CD2AP: variants seen among roughly 807,000 people sequenced by gnomAD.
The protein encoded by CD2AP is CD2-associated protein.
CD2AP carries 46 observed loss-of-function variants against 85.1 expected under a neutral mutation model. The observed-to-expected ratio is 0.54, with a 90% CI of 0.43 to 0.69. CD2AP has a LOEUF of 0.69. Among genes scored for constraint, CD2AP ranks in the 30% least tolerant of loss-of-function variants. CD2AP has a pLI of 0.00. For missense variants in CD2AP, 769 were observed against 729.5 expected (o/e 1.05, Z -0.62); for synonymous variants, 255 against 252.9 (o/e 1.01, Z -0.08).
chr6:47,557,758 T>A (rs902118846), intron 5 of CD2AP, among the ~76,000 whole-genome samples: 1 of 152,234 alleles, frequency 6.6e-6, no homozygotes, highest in Non-Finnish European at 1.5e-5. Flanking sequence ...TCAGGTAGCA[T>A]GATGCCTCCA....
intron 1 of CD2AP, among the ~76,000 whole-genome samples, chr6:47,495,139 G>C (rs1765826263): frequency 6.6e-6 from 1 of 152,244 alleles, no homozygotes; most frequent in Non-Finnish European, 1.5e-5. Context: ...CTCCAGCCTG[G>C]GTGACAGAGT....
rs114590237 is a variant in CD2AP, at chr6:47,579,182, T to C, written c.904-203T>C. Among the ~76,000 whole-genome samples, 553 of 152,140 alleles carry C rather than the reference T, an allele frequency of 3.6e-3. 2 individuals carry two copies. The highest frequency in any genetic ancestry group is 0.012 in the African/African-American group (517 of 41,510). On this transcript the variant is annotated intron_variant, in intron 8 of 17. Transcript: ENST00000359314. ...TGGGAGACCAAATCAAGAGGATCATTTGAGCCCAGAAGTTTATGATTGCAT... is the reference window on the plus strand; with the variant it reads ...TGGGAGACCAAATCAAGAGGATCATCTGAGCCCAGAAGTTTATGATTGCAT...
At chr6:47,527,667 T>C (rs1385746844) in intron 2 of CD2AP, among the ~76,000 whole-genome samples, 1 of 152,146 alleles carries the variant, frequency 6.6e-6, no homozygotes, top group African/African-American at 2.4e-5. Flanking sequence ...GTATGGGACA[T>C]GGAAGTAACT....
chr6:47,562,227 G>A (rs1036231686), intron 5 of CD2AP, among the ~76,000 whole-genome samples: 1 of 152,066 alleles, frequency 6.6e-6, no homozygotes, highest in East Asian at 1.9e-4. Context: ...ATTATAATTC[G>A]TGGTTTATCA....
At chr6:47,534,199 A>G (rs1453443833) in intron 3 of CD2AP, among the ~76,000 whole-genome samples, 1 of 152,218 alleles carries the variant, frequency 6.6e-6, no homozygotes, top group Non-Finnish European at 1.5e-5. Flanking sequence ...GGTACTGTGT[A>G]AATATGTTAG....
chr6:47,622,803 G>C (rs149194202), intron 17 of CD2AP, among the ~76,000 whole-genome samples: 1 of 152,280 alleles, frequency 6.6e-6, no homozygotes, highest in Non-Finnish European at 1.5e-5. Context: ...CACAATGCGA[G>C]TCTCCGCATG....
chr6:47,593,800 A>G (rs1008247810), intron 11 of CD2AP, among the ~76,000 whole-genome samples: 1 of 152,098 alleles, frequency 6.6e-6, no homozygotes, highest in Non-Finnish European at 1.5e-5. Flanking sequence ...AGCAGTTCCA[A>G]ACGTCCAAGA....
At chr6:47,544,757 G>T in intron 4 of CD2AP, 51 bp downstream of exon 4, 1 of 1,071,598 alleles carries the variant, frequency 9.3e-7, no homozygotes. Context: ...TTGATGCTAT[G>T]GATTTTAGAA....
rs1399968382 is a variant in CD2AP, at chr6:47,577,296, T to C, written c.903+193T>C. Among the ~76,000 whole-genome samples the C allele has an allele frequency of 2.0e-5, 3 of 152,184 alleles. No homozygotes were observed. The East Asian group carries it at 5.8e-4, about 29-fold the overall frequency. ...GAACGTTCTCTTTTTGAGCTAACTT[T>C]TATTGACTATATTTGTTGTAATTTA... is the stretch of plus-strand genomic sequence containing the variant. On this transcript the variant is annotated intron_variant, in intron 8 of 17. Coordinates refer to ENST00000359314, the MANE Select transcript of CD2AP (RefSeq NM_012120.3).
At chr6:47,558,100 A>C (rs1728684483) in intron 5 of CD2AP, among the ~76,000 whole-genome samples, 1 of 151,980 alleles carries the variant, frequency 6.6e-6, no homozygotes, top group Admixed American at 6.6e-5. Flanking sequence ...TGTGAATGGG[A>C]GTTTGCTCAT....
chr6:47,538,477 C>T (rs1767113477), intron 3 of CD2AP, among the ~76,000 whole-genome samples: 1 of 152,054 alleles, frequency 6.6e-6, no homozygotes, highest in Non-Finnish European at 1.5e-5. Flanking sequence ...AACTCCTGAC[C>T]TCAGGTGATC....
intron 1 of CD2AP, among the ~76,000 whole-genome samples, chr6:47,486,391 A>C (rs1281933868): frequency 1.3e-5 from 2 of 152,200 alleles, no homozygotes; most frequent in Non-Finnish European, 2.9e-5. Flanking sequence ...CATAATAACA[A>C]TGAAAGTTAG....
intron 2 of CD2AP, among the ~76,000 whole-genome samples, chr6:47,521,322 C>T (rs534689232): frequency 5.3e-5 from 8 of 152,162 alleles, no homozygotes; most frequent in Non-Finnish European, 8.8e-5. Context: ...GAGGTCGAGG[C>T]GGGCAGATCA....
At chr6:47,528,213 C>G (rs1766780050) in intron 2 of CD2AP, among the ~76,000 whole-genome samples, 1 of 152,148 alleles carries the variant, frequency 6.6e-6, no homozygotes, top group Admixed American at 6.5e-5. Flanking sequence ...CTCTTTCTGT[C>G]ACCCATGCTG....
intron 4 of CD2AP, among the ~76,000 whole-genome samples, chr6:47,549,861 C>T (rs993575055): frequency 1.3e-5 from 2 of 152,092 alleles, no homozygotes; most frequent in Admixed American, 1.3e-4. Flanking sequence ...TAAAAATAGG[C>T]ATATTGACCA....
At chr6:47,560,321 T>C (rs996538611) in intron 5 of CD2AP, among the ~76,000 whole-genome samples, 6 of 152,198 alleles carry the variant, frequency 3.9e-5, no homozygotes, top group African/African-American at 1.4e-4. Context: ...TCAAGACATT[T>C]AATATTGATA....
intron 13 of CD2AP, 51 bp downstream of exon 13, chr6:47,599,494 G>A (rs77965973): frequency 1.3e-6 from 2 of 1,517,084 alleles, no homozygotes; most frequent in Non-Finnish European, 1.8e-6. Flanking sequence ...AATTGTCAAA[G>A]AAACTCTTTA....
At chr6:47,544,905 C>T (rs1159254041) in intron 4 of CD2AP, 199 bp downstream of exon 4, 1 of 483,474 alleles carries the variant, frequency 2.1e-6, no homozygotes, top group East Asian at 3.4e-5. Context: ...AAAAATGCCC[C>T]CTTAAAGCTA....
At chr6:47,611,385 G>GT (rs1430950938) in intron 16 of CD2AP, among the ~76,000 whole-genome samples, 1 of 92,678 alleles carries the variant, frequency 1.1e-5, no homozygotes, top group Non-Finnish European at 2.8e-5. Flanking sequence ...GGAAGAGGGG[G>GT]GGAATAGGAT....
Sources: gnomAD v4.1 joint callset for allele counts (sites outside exome capture counted in the v4.1 genomes callset) on GRCh38, gnomAD v4.1.1 for gene constraint, MANE v1.5 for transcripts, NCBI Gene and HGNC (gene_info 2026-07-23, HGNC 2026-07-21) for gene names.